The following CASP2 variants were observed in gnomAD, a reference collection of about 807,000 sequenced individuals.
CASP2 encodes the protein caspase 2.
A neutral mutation model predicts 54.4 loss-of-function variants in CASP2; 38 were observed. That is an observed-to-expected ratio of 0.70 (90% CI 0.54 to 0.92). The LOEUF (loss-of-function observed/expected upper bound fraction) is 0.92. CASP2 is among the 40% of genes least tolerant of loss of function. The probability of loss-of-function intolerance (pLI) is 0.00; values close to 1 mark genes in which losing one functional copy is unlikely to be tolerated. For synonymous variants in CASP2, 215 were observed against 216.3 expected, an observed-to-expected ratio of 0.99 and a Z score of 0.05; for missense variants, 512 against 579.6, an observed-to-expected ratio of 0.88 and a Z score of 1.20.
chr7:143,293,114 G>GTTTTTTTTTTTTTT (rs11287848), intron 4 of CASP2: 4 of 565,272 alleles, frequency 7.1e-6, no homozygotes, highest in African/African-American at 4.5e-5. Context: ...CCTTTTTTTT[G>GTTTTTTTTTTTTTT]TTTTTTTTTT....
intron 5 of CASP2, 60 bp from the exon 6 acceptor site, chr7:143,294,537 C>T: frequency 6.8e-7 from 1 of 1,478,772 alleles, no homozygotes; most frequent in Non-Finnish European, 9.4e-7. Context: ...AATGTCTAAT[C>T]TAGCCGAGGA....
At chr7:143,288,919 C>T (rs921026543) in intron 1 of CASP2, among the ~76,000 whole-genome samples, 2 of 152,266 alleles carry the variant, frequency 1.3e-5, no homozygotes, top group African/African-American at 4.8e-5. Flanking sequence ...ACGAGACCTT[C>T]TGCAGACCTC....
chr7:143,289,714 A>G (rs1445947670), intron 1 of CASP2: 1 of 535,912 alleles, frequency 1.9e-6, no homozygotes, highest in Non-Finnish European at 2.4e-6. Flanking sequence ...GACGTATTCG[A>G]AAGTGATTCA....
intron 9 of CASP2, among the ~76,000 whole-genome samples, chr7:143,304,179 G>A (rs1802000465): frequency 6.6e-6 from 1 of 152,186 alleles, no homozygotes; most frequent in African/African-American, 2.4e-5. Flanking sequence ...GCATCATATT[G>A]GCACTTGGAA....
chr7:143,294,178 G>A, intron 4 of CASP2, 52 bp from the exon 5 acceptor site: 1 of 964,672 alleles, frequency 1.0e-6, no homozygotes, highest in East Asian at 2.4e-5. Flanking sequence ...GACATATTAA[G>A]ATTGATGGTT....
At chr7:143,293,260 T>A (rs1801640623) in intron 4 of CASP2, 1 of 525,230 alleles carries the variant, frequency 1.9e-6, no homozygotes, top group Non-Finnish European at 3.4e-6. Context: ...CCCAAGTACC[T>A]GGGATTACAG....
At chr7:143,294,522 C>G in intron 5 of CASP2, 75 bp from the exon 6 acceptor site, 1 of 1,409,656 alleles carries the variant, frequency 7.1e-7, no homozygotes, top group Non-Finnish European at 1.0e-6. Flanking sequence ...TCTTTGTTTT[C>G]TTGAAATGTC....
At chr7:143,300,521 C>T (rs991606308) in intron 8 of CASP2, 8 of 1,570,480 alleles carry the variant, frequency 5.1e-6, no homozygotes, top group Admixed American at 1.8e-5. Flanking sequence ...CCGTGCACCA[C>T]CATATCCTGT....
chr7:143,293,128 T>TTGTTGTGTTTTTTTTC (rs1801633922), intron 4 of CASP2: 4 of 655,412 alleles, frequency 6.1e-6, no homozygotes, highest in Non-Finnish European at 1.1e-5. Context: ...TTTTTTTTTT[T>TTGTTGTGTTTTTTTTC]TGTTGTGTTT....
In CASP2 at chr7:143,305,333, T is replaced by C. The variant is rs769049483; in HGVS notation, c.*262T>C. On this transcript the variant is annotated 3_prime_UTR_variant, in exon 11 of 11. Coordinates refer to ENST00000310447, the MANE Select transcript of CASP2 (RefSeq NM_032982.4). ...ATGTTTCAGCTGCAGTTGAAGAGCC[T>C]GACAAGTGAAGTTGTAAACACAGTG... 70 of 558,514 alleles carry C rather than the reference T, an allele frequency of 1.3e-4. No homozygotes were observed. Among genetic ancestry groups the C allele is most frequent in the Admixed American group, 2.9e-4 (10 of 33,920 alleles). The allele number at this position is 558,514 out of a possible 1,614,324, so 34.6% of individuals were successfully genotyped here.
intron 6 of CASP2, among the ~76,000 whole-genome samples, chr7:143,296,558 G>A (rs566761713): frequency 6.6e-6 from 1 of 152,350 alleles, no homozygotes; most frequent in East Asian, 1.9e-4. Context: ...AGCCACCCTA[G>A]GCAGGGAGAA....
Position 143,292,537 on chromosome 7 carries a change from G to A in CASP2, c.393+70G>A, listed in dbSNP as rs1801607217. Reference sequence around the variant, plus strand: ...ACTGGAAAGGAATTTGTAAGTCAGAGTGAGGGAGACTAGATTTTGTTGTAT... The same window carrying A: ...ACTGGAAAGGAATTTGTAAGTCAGAATGAGGGAGACTAGATTTTGTTGTAT... On this transcript the variant is annotated intron_variant, in intron 3 of 10. Transcript: ENST00000310447. 5 of 1,603,948 alleles carry A rather than the reference G, an allele frequency of 3.1e-6. No individual in the cohort carries two copies. The African/African-American group carries it at 6.7e-5, about 21-fold the overall frequency.
At chr7:143,291,793 T>C in intron 2 of CASP2, 103 bp downstream of exon 2, 1 of 1,059,178 alleles carries the variant, frequency 9.4e-7, no homozygotes, top group Non-Finnish European at 1.4e-6. Flanking sequence ...TTTTTTTTTT[T>C]TTTTTTTGAG....
rs1263098464 is a variant in CASP2 at position 143,306,361 on chromosome 7, A to G, written c.*1290A>G. ...AAGCTCCAACTCCCGGGTTCACGCC[A>G]TTCTCCTGCCTCAGCCTTCCAAGTA... On this transcript the variant is annotated 3_prime_UTR_variant, in exon 11 of 11. Coordinates refer to ENST00000310447, the MANE Select transcript of CASP2 (RefSeq NM_032982.4). 1 of 140,510 alleles carries G rather than the reference A, an allele frequency of 7.1e-6. No individual in the cohort carries two copies. Among genetic ancestry groups the G allele is most frequent in the Non-Finnish European group, 1.5e-5 (1 of 66,760 alleles). The allele number at this position is 140,510 out of a possible 1,614,324, so 8.7% of individuals were successfully genotyped here.
chr7:143,296,182 T>G (rs535064254), intron 6 of CASP2, among the ~76,000 whole-genome samples: 2 of 152,358 alleles, frequency 1.3e-5, no homozygotes, highest in African/African-American at 4.8e-5. Flanking sequence ...TGAGCTCACT[T>G]CATAAATAGC....
At chr7:143,294,540 G>T (rs1801685093) in intron 5 of CASP2, 57 bp from the exon 6 acceptor site, 29 of 1,486,198 alleles carry the variant, frequency 2.0e-5, no homozygotes, top group Non-Finnish European at 2.2e-5. Context: ...GTCTAATCTA[G>T]CCGAGGAATC....
intron 6 of CASP2, chr7:143,298,704 C>T (rs1391002399): frequency 6.6e-6 from 1 of 151,970 alleles, no homozygotes; most frequent in Non-Finnish European, 1.5e-5. Flanking sequence ...GGTGTACCAG[C>T]CCAGGTCAGA....
intron 4 of CASP2, 82 bp from the exon 5 acceptor site, chr7:143,294,148 G>A (rs1315364010): frequency 1.2e-6 from 1 of 829,450 alleles, no homozygotes; most frequent in Admixed American, 1.7e-5. Context: ...CCAGTTGCAA[G>A]AGATGTCTGA....
intron 5 of CASP2, 89 bp downstream of exon 5, chr7:143,294,413 C>T: frequency 9.3e-7 from 1 of 1,075,600 alleles, no homozygotes; most frequent in Non-Finnish European, 1.4e-6. Flanking sequence ...TGTACATTTC[C>T]TTTCTGCCTT....
Sources: allele counts gnomAD v4.1 joint callset (sites outside exome capture counted in the v4.1 genomes callset), GRCh38; gene constraint gnomAD v4.1.1; transcripts MANE v1.5; gene names NCBI Gene and HGNC (gene_info 2026-07-23, HGNC 2026-07-21).